Variants in PRDM11 observed in about 807,000 individuals in gnomAD.
The protein encoded by PRDM11 is PR domain-containing protein 11.
In PRDM11, 20 loss-of-function variants were observed where a neutral mutation model predicts 97.8. The observed-to-expected ratio is 0.20, with a 90% CI of 0.14 to 0.30. The LOEUF (loss-of-function observed/expected upper bound fraction) is 0.30. PRDM11 is among the 10% of genes least tolerant of loss of function. The probability of loss-of-function intolerance (pLI) is 1.00; values close to 1 mark genes in which losing one functional copy is unlikely to be tolerated. For missense variants in PRDM11, 1,139 were observed against 1,555.2 expected, an observed-to-expected ratio of 0.73 and a Z score of 4.50; for synonymous variants, 599 against 637.7, an observed-to-expected ratio of 0.94 and a Z score of 0.91.
At position 45,226,533 on chromosome 11, in the gene PRDM11, C is replaced by T. The variant is rs971814813; in HGVS notation, c.1908C>T (p.Leu636=). The change falls in exon 8 of 8, where the codon CTC becomes CTT. Residue 636 remains leucine (L), a synonymous_variant. Coordinates refer to ENST00000683152, the MANE Select transcript of PRDM11 (RefSeq NM_001384648.1). ...TGAATGAGGGAGACTGCCAGATCCT[C>T]ATCCATCACATCGCCCGGGCCCTGC... ...QYMNEGDCQI[L]IHHIARALRE... is the part of the protein sequence containing the mutation. 9 of 1,533,870 alleles carry T rather than the reference C, an allele frequency of 5.9e-6. 1 individual carries two copies. Among genetic ancestry groups the T allele is most frequent in the African/African-American group, 1.4e-5 (1 of 72,986 alleles).
At chr11:45,162,908 C>G (rs1851964524) in intron 1 of PRDM11, among the ~76,000 whole-genome samples, 1 of 152,238 alleles carries the variant, frequency 6.6e-6, no homozygotes, top group Non-Finnish European at 1.5e-5. Flanking sequence ...ACTCCAGGCT[C>G]TCTGCATGTC....
intron 5 of PRDM11, among the ~76,000 whole-genome samples, chr11:45,205,144 C>T (rs1853463698): frequency 1.3e-5 from 2 of 152,178 alleles, no homozygotes; most frequent in Admixed American, 6.5e-5. Flanking sequence ...GTGTGAGAAT[C>T]GTCCCAGTGC....
At chr11:45,113,818 GTGTGTGTT>G (rs1303899278) in intron 1 of PRDM11, among the ~76,000 whole-genome samples, 3 of 96,044 alleles carry the variant, frequency 3.1e-5, no homozygotes, top group Admixed American at 1.2e-4. Flanking sequence ...GTGTGTGTGT[GTGTGTGTT>G]TTGTTTTTTT....
chr11:45,205,402 G>A (rs921483786), intron 5 of PRDM11, among the ~76,000 whole-genome samples: 24 of 152,102 alleles, frequency 1.6e-4, no homozygotes, highest in Middle Eastern at 3.2e-3. Flanking sequence ...TGGGTCCAGC[G>A]TGATGCTGAT....
intron 1 of PRDM11, among the ~76,000 whole-genome samples, chr11:45,176,483 AT>A (rs1852331020): frequency 6.6e-6 from 1 of 152,200 alleles, no homozygotes; most frequent in Admixed American, 6.5e-5. Flanking sequence ...TAGGTCAGGC[AT>A]TATGCTGTGT....
intron 4 of PRDM11, among the ~76,000 whole-genome samples, chr11:45,203,409 A>G (rs1348704464): frequency 2.0e-5 from 3 of 152,028 alleles, no homozygotes; most frequent in African/African-American, 7.2e-5. Flanking sequence ...AAAAATATTC[A>G]TCAAAATAAA....
At chr11:45,147,279 CG>C (rs928861683) in intron 1 of PRDM11, 2 of 150,630 alleles carry the variant, frequency 1.3e-5, no homozygotes, top group African/African-American at 5.0e-5. Context: ...AATGAGAACG[CG>C]GTGACACGGA....
chr11:45,171,906 A>ACAATTCAATTCAATT (rs56328463), intron 1 of PRDM11, among the ~76,000 whole-genome samples: 2 of 151,470 alleles, frequency 1.3e-5, no homozygotes, highest in Admixed American at 6.6e-5. Flanking sequence ...TGGGTGTCCA[A>ACAATTCAATTCAATT]CAATTCAATT....
chr11:45,200,489 T>G (rs1430536970), intron 4 of PRDM11, among the ~76,000 whole-genome samples: 9 of 152,260 alleles, frequency 5.9e-5, no homozygotes, highest in African/African-American at 1.9e-4. Flanking sequence ...ATAAGGAAAC[T>G]GAGGCATGGT....
upstream of PRDM11, among the ~76,000 whole-genome samples, chr11:45,094,513 G>T (rs7936926): frequency 1.4e-5 from 2 of 142,082 alleles, no homozygotes; most frequent in African/African-American, 5.2e-5. Context: ...CAGGAAGGAA[G>T]AACATGCAGG....
At chr11:45,217,215 A>G (rs534855675) in intron 5 of PRDM11, among the ~76,000 whole-genome samples, 5 of 152,336 alleles carry the variant, frequency 3.3e-5, no homozygotes, top group Admixed American at 3.3e-4. Flanking sequence ...GCTATGGAGA[A>G]AAGACTGACT....
rs1229166677 is a variant in PRDM11, at chr11:45,229,568, C to T, written c.*1409C>T. The T allele has an allele frequency of 6.6e-6, 1 of 152,156 alleles. No homozygotes were observed. The highest frequency in any genetic ancestry group is 1.5e-5 in the Non-Finnish European group (1 of 68,050). 9.4% of individuals were successfully genotyped at this position (152,156 alleles called of 1,614,324 possible). A position where few individuals can be genotyped will look rare whatever the true frequency, so the allele number is the denominator to read the frequency against. On this transcript the variant is annotated 3_prime_UTR_variant, in exon 8 of 8. Transcript: ENST00000683152. Reference sequence around the variant, plus strand: ...TTAGAAATAGCCACTTGCCTATTCCCTGGGGCAAGTAGTGGTTTAAACTAG... The same window carrying T: ...TTAGAAATAGCCACTTGCCTATTCCTTGGGGCAAGTAGTGGTTTAAACTAG...
chr11:45,223,115 A>T (rs1032943707), intron 6 of PRDM11, among the ~76,000 whole-genome samples: 3 of 152,128 alleles, frequency 2.0e-5, no homozygotes, highest in Non-Finnish European at 4.4e-5. Flanking sequence ...TAGGAGTTTG[A>T]GACCAGCCTG....
chr11:45,095,889 C>T (rs1199931506), exon 1 of PRDM11: 2 of 781,012 alleles, frequency 2.6e-6, no homozygotes, highest in African/African-American at 1.7e-5. Flanking sequence ...TCTTCCTTTA[C>T]CAGAGAGAGA....
chr11:45,166,296 T>C (rs1362933295), intron 1 of PRDM11, among the ~76,000 whole-genome samples: 1 of 152,222 alleles, frequency 6.6e-6, no homozygotes, highest in Non-Finnish European at 1.5e-5. Context: ...GCTGTGCCCC[T>C]GCCCACAGCA....
intron 1 of PRDM11, among the ~76,000 whole-genome samples, chr11:45,121,548 A>T (rs1053525702): frequency 6.6e-6 from 1 of 152,174 alleles, no homozygotes; most frequent in African/African-American, 2.4e-5. Context: ...AGCAAACAAA[A>T]AACAGTGAAA....
intron 1 of PRDM11, among the ~76,000 whole-genome samples, chr11:45,157,801 G>C (rs1447147285): frequency 2.0e-5 from 3 of 152,212 alleles, no homozygotes; most frequent in Non-Finnish European, 2.9e-5. Context: ...TGCCCTACTA[G>C]AGCTGCAGGA....
intron 1 of PRDM11, among the ~76,000 whole-genome samples, chr11:45,152,417 G>A (rs976332088): frequency 3.3e-5 from 5 of 152,130 alleles, no homozygotes; most frequent in African/African-American, 1.2e-4. Context: ...CCCTCTCTCT[G>A]CTTCCTGCTT....
At chr11:45,184,665 G>C (rs1025905130) in intron 4 of PRDM11, among the ~76,000 whole-genome samples, 2 of 146,754 alleles carry the variant, frequency 1.4e-5, no homozygotes, top group Non-Finnish European at 3.0e-5. Flanking sequence ...GAGGCTGGAA[G>C]GGGACTGGGT....
Sources: gnomAD v4.1 joint callset for allele counts (sites outside exome capture counted in the v4.1 genomes callset) on GRCh38, gnomAD v4.1.1 for gene constraint, MANE v1.5 for transcripts, NCBI Gene and HGNC (gene_info 2026-07-23, HGNC 2026-07-21) for gene names.